Variants in ATP8B2 observed in about 807,000 individuals in gnomAD.
ATP8B2 encodes ATPase phospholipid transporting 8B2.
Under a neutral mutation model 133.4 loss-of-function variants are expected in ATP8B2, and 70 were observed. The observed-to-expected ratio is 0.52, with a 90% CI of 0.43 to 0.64. The LOEUF (loss-of-function observed/expected upper bound fraction) is 0.64. ATP8B2 is among the 30% of genes least tolerant of loss of function. ATP8B2 has a pLI of 0.00. For missense variants in ATP8B2, 1,101 were observed against 1,535.7 expected, an observed-to-expected ratio of 0.72 and a Z score of 4.73; for synonymous variants, 517 against 589.5, an observed-to-expected ratio of 0.88 and a Z score of 1.78.
At chr1:154,335,778 G>A (rs374449722) in intron 11 of ATP8B2, among the ~76,000 whole-genome samples, 2 of 150,640 alleles carry the variant, frequency 1.3e-5, no homozygotes, top group African/African-American at 2.4e-5. Flanking sequence ...AGTGGCTCAC[G>A]CCTGTAATCC....
At chr1:154,335,913 C>T (rs1686164003) in intron 11 of ATP8B2, among the ~76,000 whole-genome samples, 2 of 151,852 alleles carry the variant, frequency 1.3e-5, no homozygotes, top group South Asian at 2.1e-4. Flanking sequence ...GTGGCGGGCA[C>T]CTGTAGTCCC....
Position 154,334,165 on chromosome 1 carries a change from C to G in ATP8B2, c.648C>G (p.Tyr216Ter), listed in dbSNP as rs1315139334. 1 of 1,614,212 alleles carries G rather than the reference C, an allele frequency of 6.2e-7. No individual in the cohort carries two copies. Among genetic ancestry groups the G allele is most frequent in the South Asian group, 1.1e-5 (1 of 91,092 alleles). ...NKLDKFSGTL[Y>*]WKENKFPLSN... ...TGGACAAATTCAGCGGAACCCTCTA[C>G]TGGAAGGAAAATAAGTTCCCTCTGA... Residue 216 changes from tyrosine to a stop codon, truncating the protein, a stop_gained, in exon 10 of 28, where the codon TAC (tyrosine) becomes TAG (stop). Transcript: ENST00000368489. LOFTEE classifies it high-confidence loss of function. This position sits in a 1 kb window ranked among gnomAD's most constrained non-coding sequence, Gnocchi z 4.6.
At chr1:154,329,043 C>G in intron 2 of ATP8B2, 1 of 1,303,642 alleles carries the variant, frequency 7.7e-7, no homozygotes, top group Non-Finnish European at 1.0e-6. Flanking sequence ...GCGCCTCCCT[C>G]TTGGAGCCGA....
chr1:154,330,856 C>G lies in ATP8B2; in HGVS notation c.132C>G (p.Phe44Leu). ...IKTSKYNILTFLPVNLFEQFQ... is the reference protein window; with the variant it reads ...IKTSKYNILTLLPVNLFEQFQ... ...CCTCCAAGTACAATATTCTCACCTT[C>G]CTGCCTGTCAACCTCTTTGAGCAGT... Residue 44 changes from phenylalanine to leucine, a missense_variant, in exon 4 of 28, where the codon TTC becomes TTG. By Grantham distance (22) the Phe-to-Leu change is conservative. Coordinates refer to ENST00000368489, the MANE Select transcript of ATP8B2 (RefSeq NM_001370597.1). 2 of 1,614,160 alleles carry G rather than the reference C, an allele frequency of 1.2e-6. No individual in the cohort carries two copies. The highest frequency in any genetic ancestry group is 1.7e-6 in the Non-Finnish European group (2 of 1,180,024).
intron 2 of ATP8B2, chr1:154,329,009 C>G: frequency 3.1e-6 from 4 of 1,304,078 alleles, no homozygotes; most frequent in Non-Finnish European, 4.0e-6. Context: ...CAAGGAGATG[C>G]CCGAGAAGTG....
In ATP8B2 at chr1:154,343,300, A is replaced by G. The variant is rs1686449341; in HGVS notation, c.1641A>G (p.Ile547Met). ...ACATCCGCAAGCGGATGTCGGTCAT[A>G]GGTGAGGCCAGGCCTGGGGTGCTGG... ...FNNIRKRMSVIVRNPEGKIRL... is the reference protein window; with the variant it reads ...FNNIRKRMSVMVRNPEGKIRL... Residue 547 changes from isoleucine (I) to methionine (M), a missense_variant and splice_region_variant, in exon 16 of 28, where the codon ATA becomes ATG. Transcript: ENST00000368489. The surrounding 1 kb of genome is among the most constrained non-coding windows in gnomAD (Gnocchi z 5.8). The G allele has an allele frequency of 6.2e-7, 1 of 1,613,902 alleles. No homozygotes were observed. The highest frequency in any genetic ancestry group is 8.5e-7 in the Non-Finnish European group (1 of 1,179,912).
In ATP8B2 at chr1:154,340,989, C is replaced by T; in HGVS notation, c.1170C>T (p.Phe390=). Residue 390 remains phenylalanine, a synonymous_variant, in exon 13 of 28, where the codon TTC becomes TTT. Transcript: ENST00000368489. The surrounding 1 kb of genome is among the most constrained non-coding windows in gnomAD (Gnocchi z 4.0). ...AGCTGGGCCAGGTGGAGTACATCTT[C>T]TCCGACAAGACGGGCACCCTCACCC... ...NEELGQVEYI[F]SDKTGTLTQN... is the part of the protein sequence containing the mutation. The T allele has an allele frequency of 6.2e-7, 1 of 1,614,226 alleles. No individual in the cohort carries two copies. The highest frequency in any genetic ancestry group is 8.5e-7 in the Non-Finnish European group (1 of 1,180,050).
At chr1:154,333,197 C>A (rs1686061593) in intron 9 of ATP8B2, among the ~76,000 whole-genome samples, 2 of 152,116 alleles carry the variant, frequency 1.3e-5, no homozygotes, top group South Asian at 4.1e-4. Context: ...CCTGTAATCC[C>A]AGCTATTCAG....
chr1:154,329,577 T>G (rs551408082), intron 2 of ATP8B2, among the ~76,000 whole-genome samples: 147 of 152,198 alleles, frequency 9.7e-4, no homozygotes, highest in African/African-American at 2.8e-3. Flanking sequence ...TGCAGAGGTT[T>G]CAGATAGGTT....
chr1:154,344,552 G>C lies in ATP8B2; in HGVS notation c.2141+52G>C. 6.2e-7 allele frequency: 1 copy of C among 1,613,176 alleles called. No homozygotes were observed. The highest frequency in any genetic ancestry group is 8.5e-7 in the Non-Finnish European group (1 of 1,179,318). On this transcript the variant is annotated intron_variant, in intron 20 of 27. Transcript: ENST00000368489. This position sits in a 1 kb window ranked among gnomAD's most constrained non-coding sequence, Gnocchi z 4.1. Reference sequence around the variant, plus strand: ...TGCTGTGCGTTGTGCCCAGGGCTCAGGTGGGGGTTTCTGGACCATTTAGAC... The same window carrying C: ...TGCTGTGCGTTGTGCCCAGGGCTCACGTGGGGGTTTCTGGACCATTTAGAC...
In ATP8B2 at chr1:154,334,414, C is replaced by A; in HGVS notation, c.749-89C>A. 1 of 1,530,372 alleles carries A rather than the reference C, an allele frequency of 6.5e-7. No homozygotes were observed. Among genetic ancestry groups the A allele is most frequent in the Non-Finnish European group, 9.0e-7 (1 of 1,110,872 alleles). 94.8% of individuals were successfully genotyped at this position (1,530,372 alleles called of 1,614,324 possible). A position where few individuals can be genotyped will look rare whatever the true frequency, so the allele number is the denominator to read the frequency against. ...TTATCTAGCCAGTATCTCTATTCCA[C>A]CCTGGTGTCCTGCAGTCTGGGGATC... On this transcript the variant is annotated intron_variant, in intron 10 of 27. Coordinates refer to ENST00000368489, the MANE Select transcript of ATP8B2 (RefSeq NM_001370597.1). The surrounding 1 kb of genome is among the most constrained non-coding windows in gnomAD (Gnocchi z 4.6).
rs750885538 is a variant in ATP8B2 at position 154,348,843 on chromosome 1, C to T, written c.3298C>T (p.Arg1100Cys). 8 of 1,594,826 alleles carry T rather than the reference C, an allele frequency of 5.0e-6. No individual in the cohort carries two copies. Among genetic ancestry groups the T allele is most frequent in the East Asian group, 2.3e-5 (1 of 44,108 alleles). ...TCTTCCCTGTGCCCCTCTGCAGGTC[C>T]GCTACACACAGCTCGTGAGGAAGAA... The part of the protein sequence containing the change: ...NLKPDLSDTV[R>C]YTQLVRKKQK... Residue 1100 changes from arginine to cysteine, a missense_variant, in exon 28 of 28, where the codon CGC becomes TGC. Arg to Cys is a radical substitution (Grantham distance 180, BLOSUM62 -3). Coordinates refer to ENST00000368489, the MANE Select transcript of ATP8B2 (RefSeq NM_001370597.1).
In ATP8B2 at chr1:154,348,439, G is replaced by A. The variant is rs373572716; in HGVS notation, c.3195G>A (p.Thr1065=). 3.0e-5 allele frequency: 49 copies of A among 1,612,876 alleles called. No individual in the cohort carries two copies. Among genetic ancestry groups the A allele is most frequent in the Non-Finnish European group, 3.8e-5 (45 of 1,179,100 alleles). Residue 1065 remains threonine (T), a synonymous_variant, in exon 27 of 28, where the codon ACG becomes ACA. Transcript: ENST00000368489. ...GNAQNTLAQP[T]VWLTIVLTTV... is the part of the protein sequence containing the mutation. ...CCCAGAACACCTTGGCCCAGCCCAC[G>A]GTGTGGCTGACCATTGTGCTCACCA...
Position 154,343,596 on chromosome 1 carries a change from C to T in ATP8B2, c.1758+28C>T. 7.5e-6 allele frequency: 12 copies of T among 1,598,324 alleles called. No homozygotes were observed. Among genetic ancestry groups the T allele is most frequent in the Non-Finnish European group, 1.0e-5 (12 of 1,166,116 alleles). ...GGGTGTGAGGAGAGGAGGGGCCAGC[C>T]TGGGGGGTTCTACTCTTAGTGTGGG... On this transcript the variant is annotated intron_variant, in intron 17 of 27. Transcript: ENST00000368489. The surrounding 1 kb of genome is among the most constrained non-coding windows in gnomAD (Gnocchi z 5.8).
intron 13 of ATP8B2, 162 bp downstream of exon 13, chr1:154,341,224 C>G (rs1686373234): frequency 1.3e-6 from 1 of 753,554 alleles, no homozygotes; most frequent in East Asian, 2.7e-5. Flanking sequence ...GTGGCTCATG[C>G]CTATAGTCAT....
At position 154,340,597 on chromosome 1, in the gene ATP8B2, G is replaced by T; in HGVS notation, c.1035-257G>T. On this transcript the variant is annotated intron_variant, in intron 12 of 27. Coordinates refer to ENST00000368489, the MANE Select transcript of ATP8B2 (RefSeq NM_001370597.1). This position sits in a 1 kb window ranked among gnomAD's most constrained non-coding sequence, Gnocchi z 4.0. ...AGCCCCTTTTCCTCCTTTGCTGTCT[G>T]TCCTGCCCACCCAGGCCCTTTGCAC... 1.9e-6 allele frequency: 1 copy of T among 535,286 alleles called. No homozygotes were observed. The highest frequency in any genetic ancestry group is 3.5e-6 in the Non-Finnish European group (1 of 288,958). The allele number at this position is 535,286 out of a possible 1,614,324, so 33.2% of individuals were successfully genotyped here.
At chr1:154,332,218 G>C (rs945970062) in intron 8 of ATP8B2, among the ~76,000 whole-genome samples, 194 bp downstream of exon 8, 7 of 152,170 alleles carry the variant, frequency 4.6e-5, no homozygotes, top group African/African-American at 1.4e-4. Flanking sequence ...ACCATGCTTA[G>C]GTGTCACCAG....
intron 12 of ATP8B2, among the ~76,000 whole-genome samples, chr1:154,338,437 G>A (rs376703523): frequency 5.3e-5 from 8 of 152,270 alleles, no homozygotes; most frequent in Non-Finnish European, 7.4e-5. Flanking sequence ...CAAGGTGGGC[G>A]GATAACGAGG....
chr1:154,344,754 A>G lies in ATP8B2; in HGVS notation c.2255A>G (p.Glu752Gly). The G allele has an allele frequency of 6.2e-7, 1 of 1,606,818 alleles. No individual in the cohort carries two copies. Among genetic ancestry groups the G allele is most frequent in the Non-Finnish European group, 8.5e-7 (1 of 1,173,960 alleles). ...TCTGTCCTGGAGGCCGTTGCTGGGGAGTACGCCCTGGTCATAAATGGTCAC... is the reference window on the plus strand; with the variant it reads ...TCTGTCCTGGAGGCCGTTGCTGGGGGGTACGCCCTGGTCATAAATGGTCAC... Reference protein sequence around the residue: ...LTSVLEAVAGEYALVINGHSL... With the variant: ...LTSVLEAVAGGYALVINGHSL... The change falls in exon 21 of 28, where the codon GAG becomes GGG. Residue 752 changes from glutamate to glycine, a missense_variant. Glu to Gly is a moderately conservative substitution (Grantham distance 98). Coordinates refer to ENST00000368489, the MANE Select transcript of ATP8B2 (RefSeq NM_001370597.1). This position sits in a 1 kb window ranked among gnomAD's most constrained non-coding sequence, Gnocchi z 4.1.
Sources: allele counts gnomAD v4.1 joint callset (sites outside exome capture counted in the v4.1 genomes callset), GRCh38; gene constraint gnomAD v4.1.1; non-coding constraint Gnocchi (gnomAD v3.1); transcripts MANE v1.5; gene names NCBI Gene and HGNC (gene_info 2026-07-23, HGNC 2026-07-21).